Variants in XYLB observed in about 807,000 individuals in gnomAD.
XYLB encodes the protein xylulokinase, also known as xylulose kinase.
In XYLB, 62 loss-of-function variants were observed where a neutral mutation model predicts 78.7. The observed-to-expected ratio is 0.79, with a 90% CI of 0.64 to 0.97. XYLB has a LOEUF of 0.97. Among genes scored for constraint, XYLB ranks in the 50% least tolerant of loss-of-function variants. The pLI, the probability that XYLB is intolerant of heterozygous loss-of-function variation, is 0.00. For synonymous variants in XYLB, 245 were observed against 247.4 expected (o/e 0.99, Z 0.09); for missense variants, 687 against 676.8 (o/e 1.02, Z -0.17).
intron 15 of XYLB, among the ~76,000 whole-genome samples, chr3:38,380,245 T>A (rs1026465599): frequency 2.0e-5 from 3 of 151,916 alleles, no homozygotes; most frequent in Non-Finnish European, 4.4e-5. Flanking sequence ...ATTCAAACCA[T>A]AGCAACTGGC....
rs867872352 is a variant in XYLB, at chr3:38,383,550, C to T, written c.1291+4208C>T. ...ATCCCAGCACTTTGGGAGGTGGAGG[C>T]GGGAGGATCACTTGAGCCCAGGAGT... On this transcript the variant is annotated intron_variant, in intron 15 of 18. Coordinates refer to ENST00000207870, the MANE Select transcript of XYLB (RefSeq NM_005108.4). 1.6e-3 allele frequency among the ~76,000 whole-genome samples: 245 copies of T among 152,148 alleles called. 1 individual carries two copies. The highest frequency in any genetic ancestry group is 6.8e-3 in the Middle Eastern group (2 of 292).
intron 18 of XYLB, among the ~76,000 whole-genome samples, chr3:38,402,975 T>C (rs923921073): frequency 2.6e-5 from 4 of 152,170 alleles, no homozygotes; most frequent in Non-Finnish European, 5.9e-5. Context: ...ATCTGAAATA[T>C]TGTCATGTCA....
At chr3:38,405,348 G>A (rs1406382228) in intron 18 of XYLB, among the ~76,000 whole-genome samples, 1 of 144,816 alleles carries the variant, frequency 6.9e-6, no homozygotes, top group Non-Finnish European at 1.5e-5. Context: ...ACCAGCCTGG[G>A]CAAACATGAG....
rs1192566490 is a variant in XYLB at position 38,413,490 on chromosome 3, A to C, written c.*477A>C. ...CACCCCATACCTTGATCTACCATCC[A>C]TCCTCTTCCCCAATCCAAACCCCAC... On this transcript the variant is annotated 3_prime_UTR_variant, in exon 19 of 19. Coordinates refer to ENST00000207870, the MANE Select transcript of XYLB (RefSeq NM_005108.4). 1 of 152,622 alleles carries C rather than the reference A, an allele frequency of 6.6e-6. No homozygotes were observed. The highest frequency in any genetic ancestry group is 1.4e-5 in the Non-Finnish European group (1 of 69,148). 9.5% of individuals were successfully genotyped at this position (152,622 alleles called of 1,614,324 possible).
chr3:38,395,010 GACTTCAT>G (rs1386895128), intron 15 of XYLB, among the ~76,000 whole-genome samples: 9 of 152,168 alleles, frequency 5.9e-5, no homozygotes, highest in Admixed American at 1.3e-4. Context: ...TCTAGTCTTG[GACTTCAT>G]ACTTCATCAT....
chr3:38,391,766 CT>C (rs529937814), intron 15 of XYLB, among the ~76,000 whole-genome samples: 290 of 152,296 alleles, frequency 1.9e-3, no homozygotes, highest in Non-Finnish European at 3.2e-3. Context: ...CCATTTTCTG[CT>C]TTTCAGCCAT....
At position 38,397,144 on chromosome 3, in the gene XYLB, T is replaced by C; in HGVS notation, c.1423T>C (p.Tyr475His). 6.2e-7 allele frequency: 1 copy of C among 1,614,150 alleles called. No individual in the cohort carries two copies. Among genetic ancestry groups the C allele is most frequent in the Middle Eastern group, 1.6e-4 (1 of 6,062 alleles). The part of the protein sequence containing the change: ...TANSACVGSA[Y>H]RAFHGLAGGT... Reference sequence around the variant, plus strand: ...CAACTCGGCCTGTGTGGGTTCTGCATACCGAGCTTTTCATGGTAGGTTGAT... The same window carrying C: ...CAACTCGGCCTGTGTGGGTTCTGCACACCGAGCTTTTCATGGTAGGTTGAT... The change falls in exon 17 of 19, where the codon TAC becomes CAC. Residue 475 changes from tyrosine to histidine, a missense_variant. Transcript: ENST00000207870.
At chr3:38,365,386 G>T in intron 5 of XYLB, 101 bp downstream of exon 5, 1 of 1,409,222 alleles carries the variant, frequency 7.1e-7, no homozygotes, top group Non-Finnish European at 9.8e-7. Context: ...CTGTGCTCAC[G>T]CGCCCTCACC....
chr3:38,348,914 G>A (rs1236649807), intron 2 of XYLB, among the ~76,000 whole-genome samples: 1 of 152,200 alleles, frequency 6.6e-6, no homozygotes. Flanking sequence ...CTCTCCCAGA[G>A]CTTCCCACTG....
rs1487853877 is a variant in XYLB at position 38,412,585 on chromosome 3, T to G, written c.1534-351T>G. Among the ~76,000 whole-genome samples the G allele has an allele frequency of 2.6e-5, 4 of 152,202 alleles. No homozygotes were observed. In the East Asian group the frequency reaches 7.7e-4, roughly 29 times the overall value. On this transcript the variant is annotated intron_variant, in intron 18 of 18. Coordinates refer to ENST00000207870, the MANE Select transcript of XYLB (RefSeq NM_005108.4). ...AACTGGGTCCCATACTATGGGCTCCTTAATACAGATATAAAGTCAAGTCTA... is the reference window on the plus strand; with the variant it reads ...AACTGGGTCCCATACTATGGGCTCCGTAATACAGATATAAAGTCAAGTCTA...
chr3:38,403,101 A>T (rs1708180605), intron 18 of XYLB, among the ~76,000 whole-genome samples: 1 of 152,080 alleles, frequency 6.6e-6, no homozygotes, highest in African/African-American at 2.4e-5. Flanking sequence ...GTTCGAGACC[A>T]GCCTGGGCAG....
intron 17 of XYLB, among the ~76,000 whole-genome samples, chr3:38,397,798 C>A (rs952473628): frequency 6.6e-6 from 1 of 150,706 alleles, no homozygotes; most frequent in Non-Finnish European, 1.5e-5. Flanking sequence ...TTTAACATAC[C>A]TATTTCAGCT....
At chr3:38,425,701 C>T (rs1400098054), downstream of XYLB, among the ~76,000 whole-genome samples, 1 of 152,124 alleles carries the variant, frequency 6.6e-6, no homozygotes, top group Non-Finnish European at 1.5e-5. Flanking sequence ...AACCAGCGGC[C>T]AATTTGGATA....
chr3:38,447,092 C>CGA, the XYLB span, among the ~76,000 whole-genome samples: 9 of 152,144 alleles, frequency 5.9e-5, no homozygotes, highest in African/African-American at 2.2e-4. Flanking sequence ...CCCAAATAAT[C>CGA]CCATTAAAAA....
chr3:38,404,084 T>G (rs1387571498), intron 18 of XYLB, among the ~76,000 whole-genome samples: 1 of 152,190 alleles, frequency 6.6e-6, no homozygotes, highest in Admixed American at 6.5e-5. Context: ...GCAGTAAGAA[T>G]GTTTTCTCCC....
chr3:38,387,629 C>T (rs1707444227), intron 15 of XYLB, among the ~76,000 whole-genome samples: 1 of 149,962 alleles, frequency 6.7e-6, no homozygotes, highest in Non-Finnish European at 1.5e-5. Context: ...GCCTCAGCCT[C>T]CCAAAGTGCT....
chr3:38,427,823 T>G, the XYLB span, among the ~76,000 whole-genome samples: 1 of 152,126 alleles, frequency 6.6e-6, no homozygotes, highest in African/African-American at 2.4e-5. Context: ...AACTCCTGAC[T>G]TCAAGTGATT....
chr3:38,350,169 A>T (rs1296909057), intron 2 of XYLB, among the ~76,000 whole-genome samples: 1 of 152,002 alleles, frequency 6.6e-6, no homozygotes, highest in Non-Finnish European at 1.5e-5. Context: ...CCCTTTGTGC[A>T]CCTCTCATTA....
In XYLB at chr3:38,370,045, T is replaced by C. The variant is rs772696704; in HGVS notation, c.647-11T>C. 20 of 1,611,574 alleles carry C rather than the reference T, an allele frequency of 1.2e-5. No homozygotes were observed. Among genetic ancestry groups the C allele is most frequent in the Non-Finnish European group, 1.6e-5 (19 of 1,177,738 alleles). On this transcript the variant is annotated splice_polypyrimidine_tract_variant and intron_variant, in intron 8 of 18. Transcript: ENST00000207870. ...CAAGATTGTCTGTTGTTTGTTTCCT[T>C]CCTTCCTCAGGTTCTGGAATGAATT...
Sources: allele counts gnomAD v4.1 joint callset (sites outside exome capture counted in the v4.1 genomes callset), GRCh38; gene constraint gnomAD v4.1.1; transcripts MANE v1.5; gene names NCBI Gene and HGNC (gene_info 2026-07-23, HGNC 2026-07-21).